WNK1: variants seen among roughly 807,000 people sequenced by gnomAD.
WNK1 encodes the protein serine/threonine-protein kinase WNK1.
In WNK1, 38 loss-of-function variants were observed where a neutral mutation model predicts 222.8. The observed-to-expected ratio is 0.17, with a 90% CI of 0.13 to 0.22. The LOEUF is 0.22. Among genes scored for constraint, WNK1 ranks in the 10% least tolerant of loss-of-function variants. The pLI, the probability that WNK1 is intolerant of heterozygous loss-of-function variation, is 1.00. For synonymous variants in WNK1, 1,090 were observed against 1,092.9 expected (o/e 1.00, Z 0.05); for missense variants, 2,348 against 2,918.4 (o/e 0.80, Z 4.50).
intron 3 of WNK1, among the ~76,000 whole-genome samples, chr12:828,473 G>T (rs1948544387): frequency 6.6e-6 from 1 of 152,004 alleles, no homozygotes. Context: ...GAGATTTGGG[G>T]TTGGACAATT....
At chr12:879,462 G>GTTTTTTTCTTC in intron 10 of WNK1, 111 bp from the exon 11 acceptor site, 1 of 475,362 alleles carries the variant, frequency 2.1e-6, no homozygotes, top group East Asian at 4.7e-5. Flanking sequence ...TTTTTTGTTT[G>GTTTTTTTCTTC]TTTTTTCCTT....
chr12:908,053 G>T lies in WNK1; in HGVS notation c.6831+19G>T, dbSNP rs199628096. 7.4e-6 allele frequency: 12 copies of T among 1,613,160 alleles called. No individual in the cohort carries two copies. The highest frequency in any genetic ancestry group is 9.3e-6 in the Non-Finnish European group (11 of 1,179,508). ...TTACGAGGTAAGTCTCTCTTTTGCC[G>T]CAGAGAATCCGTAACACACATCTGA... On this transcript the variant is annotated intron_variant, in intron 27 of 27. Coordinates refer to ENST00000315939, the MANE Select transcript of WNK1 (RefSeq NM_018979.4).
chr12:893,692 G>T (rs1008888136), intron 22 of WNK1, among the ~76,000 whole-genome samples: 1 of 151,510 alleles, frequency 6.6e-6, no homozygotes, highest in African/African-American at 2.4e-5. Flanking sequence ...GTGTGGTGGT[G>T]GGCGCCTGTG....
At chr12:821,579 C>G (rs1947883609) in intron 2 of WNK1, among the ~76,000 whole-genome samples, 1 of 152,116 alleles carries the variant, frequency 6.6e-6, no homozygotes. Context: ...TTGTTCAAGT[C>G]TTCTGTTTTC....
chr12:840,268 C>T (rs1255650299), intron 4 of WNK1, among the ~76,000 whole-genome samples: 1 of 148,714 alleles, frequency 6.7e-6, no homozygotes, highest in Non-Finnish European at 1.5e-5. Context: ...GCTAGGACTA[C>T]AGACATGTGC....
At position 880,035 on chromosome 12, in the gene WNK1, TTG is replaced by T; in HGVS notation, c.2832+8_2832+9del. On this transcript the variant is annotated splice_donor_5th_base_variant and intron_variant, in intron 11 of 27. Coordinates refer to ENST00000315939, the MANE Select transcript of WNK1 (RefSeq NM_018979.4). ...CTCTGGAGATGTTCTGTACCAGGTA[TTG>T]TGTTAGTTAGCAAAAGAGGGCACCA... The T allele has an allele frequency of 6.2e-7, 1 of 1,613,718 alleles. No homozygotes were observed.
At chr12:879,477 T>TTTGCTAA in intron 10 of WNK1, 96 bp from the exon 11 acceptor site, 1 of 782,210 alleles carries the variant, frequency 1.3e-6, no homozygotes, top group Non-Finnish European at 1.9e-6. Flanking sequence ...TTCCTTCTTT[T>TTTGCTAA]TGGCTAATAC....
Position 766,011 on chromosome 12 carries a change from C to T in WNK1, c.759+11687C>T, listed in dbSNP as rs1445848113. Among the ~76,000 whole-genome samples the T allele has an allele frequency of 2.6e-5, 4 of 151,978 alleles. No individual in the cohort carries two copies. The East Asian group carries it at 5.8e-4, about 22-fold the overall frequency. On this transcript the variant is annotated intron_variant, in intron 1 of 27. Coordinates refer to ENST00000315939, the MANE Select transcript of WNK1 (RefSeq NM_018979.4). The stretch of plus-strand genomic sequence containing the variant: ...CATAGTTACTCAAAATATTTGGTGA[C>T]CTTACAGTTTCAGAAGAAGGGAAAA...
rs72650730 is a variant in WNK1, at chr12:885,124, C to A, written c.4320C>A (p.Ile1440=). 1.2e-6 allele frequency: 2 copies of A among 1,614,078 alleles called. No individual in the cohort carries two copies. Among genetic ancestry groups the A allele is most frequent in the African/African-American group, 1.3e-5 (1 of 74,924 alleles). Residue 1440 remains isoleucine, a synonymous_variant, in exon 19 of 28, where the codon ATC becomes ATA. Coordinates refer to ENST00000315939, the MANE Select transcript of WNK1 (RefSeq NM_018979.4). ...AAGTCCCCACATCCACATCTGAGAT[C>A]GTTGTTTCTAGTACAGCACTGTATC... ...SLQVPTSTSE[I]VVSSTALYPS...
chr12:908,373 T>C, intron 27 of WNK1, 102 bp from the exon 28 acceptor site: 1 of 1,233,124 alleles, frequency 8.1e-7, no homozygotes, highest in South Asian at 1.2e-5. Context: ...CAGAAGACTG[T>C]TCTGCTGTAT....
chr12:801,123 T>A (rs927081504), intron 1 of WNK1, among the ~76,000 whole-genome samples: 23 of 152,202 alleles, frequency 1.5e-4, no homozygotes, highest in Non-Finnish European at 2.9e-5. Flanking sequence ...GCATTTAATA[T>A]TTTATTTCTG....
At chr12:886,632 C>T (rs1208768815) in intron 19 of WNK1, among the ~76,000 whole-genome samples, 1 of 152,190 alleles carries the variant, frequency 6.6e-6, no homozygotes, top group African/African-American at 2.4e-5. Context: ...TCCTCTTGTT[C>T]TGCCACCTTC....
At chr12:772,411 GTGTGTGTGTGTGTATGTA>G (rs1219099755) in intron 1 of WNK1, among the ~76,000 whole-genome samples, 1 of 71,364 alleles carries the variant, frequency 1.4e-5, no homozygotes, top group Non-Finnish European at 3.6e-5. Context: ...TGGGGTGTGT[GTGTGTGTGTGTGTATGTA>G]TGTGTGTGTG....
At chr12:886,738 T>C (rs1424325117) in intron 19 of WNK1, among the ~76,000 whole-genome samples, 6 of 152,228 alleles carry the variant, frequency 3.9e-5, no homozygotes. Context: ...AGTAGGATAA[T>C]GCAGAATCTT....
At chr12:886,485 A>G (rs1332110285) in intron 19 of WNK1, among the ~76,000 whole-genome samples, 1 of 152,234 alleles carries the variant, frequency 6.6e-6, no homozygotes, top group East Asian at 1.9e-4. Context: ...GTTTTGTTGT[A>G]GATTCCACAG....
intron 5 of WNK1, 128 bp from the exon 6 acceptor site, chr12:859,117 T>C (rs933858183): frequency 5.1e-6 from 4 of 784,548 alleles, no homozygotes; most frequent in Non-Finnish European, 4.3e-6. Flanking sequence ...AAATGAGTTA[T>C]ACTTTCCCCT....
chr12:826,977 G>T, intron 2 of WNK1, 65 bp from the exon 3 acceptor site: 2 of 1,318,702 alleles, frequency 1.5e-6, no homozygotes, highest in Admixed American at 3.5e-5. Context: ...AGAATTTAAT[G>T]GAATTCTTCA....
chr12:851,433 G>A, intron 4 of WNK1: 1 of 1,129,832 alleles, frequency 8.9e-7, no homozygotes, highest in Non-Finnish European at 1.1e-6. Context: ...TATTACTGTT[G>A]GCAGAGAAGC....
intron 2 of WNK1, among the ~76,000 whole-genome samples, chr12:823,255 T>C (rs1015522262): frequency 6.6e-6 from 1 of 152,240 alleles, no homozygotes; most frequent in Non-Finnish European, 1.5e-5. Flanking sequence ...GTGTTTCTCA[T>C]TGTGGATCTA....
Sources: gnomAD v4.1 joint callset for allele counts (sites outside exome capture counted in the v4.1 genomes callset) on GRCh38, gnomAD v4.1.1 for gene constraint, MANE v1.5 for transcripts, NCBI Gene and HGNC (gene_info 2026-07-23, HGNC 2026-07-21) for gene names.